Variants in ESR1 observed in about 807,000 individuals in gnomAD.
ESR1 encodes estrogen receptor 1.
ESR1 carries 12 observed loss-of-function variants against 52.7 expected under a neutral mutation model. The ratio of observed to expected loss-of-function variants is 0.23; its 90% CI spans 0.15 to 0.37. The LOEUF (loss-of-function observed/expected upper bound fraction) is 0.37. Among genes scored for constraint, ESR1 ranks in the 10% least tolerant of loss-of-function variants. The pLI, the probability that ESR1 is intolerant of heterozygous loss-of-function variation, is 1.00. For synonymous variants in ESR1, 305 were observed against 316.8 expected (o/e 0.96, Z 0.39); for missense variants, 584 against 779.7 (o/e 0.75, Z 2.99).
rs1277165074 is a variant in ESR1 at position 151,794,678 on chromosome 6, A to G, written c.-70-13165A>G. Among the ~76,000 whole-genome samples, 3 of 152,156 alleles carry G rather than the reference A, an allele frequency of 2.0e-5. No individual in the cohort carries two copies. The East Asian group carries it at 5.8e-4, about 29-fold the overall frequency. ...GTCTGAAAATGTTGCAAATAGTCAAAACTGGCATTGCAACAATTCATTTCC... is the reference window on the plus strand; with the variant it reads ...GTCTGAAAATGTTGCAAATAGTCAAGACTGGCATTGCAACAATTCATTTCC... On this transcript the variant is annotated intron_variant, in intron 2 of 2. Transcript: ENST00000404742.
intron 4 of ESR1, among the ~76,000 whole-genome samples, chr6:151,987,013 A>G (rs1361911910): frequency 1.3e-5 from 2 of 152,026 alleles, no homozygotes; most frequent in Admixed American, 6.6e-5. Flanking sequence ...CAGCTGCCCC[A>G]CCAATCTCCT....
At chr6:151,785,254 G>A (rs1196404119) in intron 2 of ESR1, among the ~76,000 whole-genome samples, 4 of 152,174 alleles carry the variant, frequency 2.6e-5, no homozygotes, top group Non-Finnish European at 5.9e-5. Context: ...GCCTGGAGAC[G>A]GGGAGTGGGA....
chr6:151,760,866 A>G (rs1164208311), intron 2 of ESR1, among the ~76,000 whole-genome samples: 1 of 152,214 alleles, frequency 6.6e-6, no homozygotes, highest in Non-Finnish European at 1.5e-5. Context: ...AAAATAATGG[A>G]TCGATTAAAG....
intron 2 of ESR1, among the ~76,000 whole-genome samples, chr6:151,756,947 G>A (rs552784627): frequency 6.6e-6 from 1 of 152,228 alleles, no homozygotes; most frequent in African/African-American, 2.4e-5. Context: ...CCGGCATTGA[G>A]CCACTGCACT....
intron 4 of ESR1, among the ~76,000 whole-genome samples, chr6:151,950,576 T>C (rs1162846736): frequency 6.6e-6 from 1 of 152,136 alleles, no homozygotes; most frequent in East Asian, 1.9e-4. Context: ...GGCATTCTAA[T>C]GAAAGGGGAA....
chr6:151,968,335 C>T (rs1001691078), intron 4 of ESR1, among the ~76,000 whole-genome samples: 2 of 152,122 alleles, frequency 1.3e-5, no homozygotes, highest in Non-Finnish European at 2.9e-5. Flanking sequence ...AAAACCTAGG[C>T]AGTACAATTC....
intron 2 of ESR1, among the ~76,000 whole-genome samples, chr6:151,791,541 C>T (rs1776158546): frequency 6.6e-6 from 1 of 152,156 alleles, no homozygotes; most frequent in African/African-American, 2.4e-5. Context: ...TGGACTAATA[C>T]ATGAGCCACA....
In ESR1 at chr6:152,036,221, G is replaced by C. The variant is rs183118805; in HGVS notation, c.1235+24427G>C. ...CTAAAAATATAAAAATTAGCTGGGC[G>C]TGGTGGCGGGTGCCTGTAGTCCCAG... On this transcript the variant is annotated intron_variant, in intron 5 of 7. Coordinates refer to ENST00000206249, the MANE Select transcript of ESR1 (RefSeq NM_000125.4). Among the ~76,000 whole-genome samples, 69 of 152,234 alleles carry C rather than the reference G, an allele frequency of 4.5e-4. 2 individuals carry two copies. The South Asian group carries it at 0.014, about 31-fold the overall frequency.
intron 6 of ESR1, among the ~76,000 whole-genome samples, chr6:152,111,418 C>T (rs1362360763): frequency 6.6e-6 from 1 of 152,218 alleles, no homozygotes; most frequent in African/African-American, 2.4e-5. Flanking sequence ...GCAGGACAGA[C>T]AGCCCTCCGA....
At chr6:152,018,771 T>A (rs568628762) in intron 5 of ESR1, among the ~76,000 whole-genome samples, 45 of 152,162 alleles carry the variant, frequency 3.0e-4, no homozygotes, top group African/African-American at 9.9e-4. Flanking sequence ...TTGTCTCCAT[T>A]CATACCTCAA....
At chr6:151,850,105 T>TATTATTTTATATGC (rs1562474855) in intron 2 of ESR1, among the ~76,000 whole-genome samples, 3 of 43,752 alleles carry the variant, frequency 6.9e-5, no homozygotes, top group African/African-American at 3.4e-4. Flanking sequence ...TTTATATATA[T>TATTATTTTATATGC]ATACAAAATT....
At chr6:151,906,892 C>T (rs1797542089) in intron 3 of ESR1, among the ~76,000 whole-genome samples, 2 of 150,870 alleles carry the variant, frequency 1.3e-5, no homozygotes, top group South Asian at 4.2e-4. Flanking sequence ...CTTTTTTTCA[C>T]ATTTTGTTAC....
At chr6:151,881,961 G>T (rs1257239060) in intron 3 of ESR1, among the ~76,000 whole-genome samples, 1 of 151,932 alleles carries the variant, frequency 6.6e-6, no homozygotes, top group Non-Finnish European at 1.5e-5. Context: ...GTTTCAGAAG[G>T]ATACTGAAGG....
chr6:152,011,247 C>G (rs1301534666), intron 4 of ESR1, among the ~76,000 whole-genome samples: 1 of 152,078 alleles, frequency 6.6e-6, no homozygotes, highest in Non-Finnish European at 1.5e-5. Context: ...TGCCCCAATT[C>G]CTATTGGGCA....
At chr6:151,889,743 A>G (rs1794423360) in intron 3 of ESR1, among the ~76,000 whole-genome samples, 1 of 152,000 alleles carries the variant, frequency 6.6e-6, no homozygotes, top group Non-Finnish European at 1.5e-5. Context: ...GTGGTATAAC[A>G]TTAGATTGTT....
rs748276035 is a variant in ESR1 at position 151,736,375 on chromosome 6, G to GTTCTTTTTTTTTTTTTTTTTTT, written c.-71+34372_-71+34373insCTTTTTTTTTTTTTTTTTTTTT. ...AAATACTTACTGTATTCCAGGTAGTGTTTTTTTTTTTTTTTGAGATGGAGT... is the reference window on the plus strand; with the variant it reads ...AAATACTTACTGTATTCCAGGTAGTGTTCTTTTTTTTTTTTTTTTTTTTTTTTTTTTTTTTTTGAGATGGAGT... On this transcript the variant is annotated intron_variant, in intron 2 of 2. Coordinates refer to the ESR1 transcript ENST00000404742. Among the ~76,000 whole-genome samples, 4 of 112,714 alleles carry GTTCTTTTTTTTTTTTTTTTTTT rather than the reference G, an allele frequency of 3.5e-5. 1 individual carries two copies. Among genetic ancestry groups the GTTCTTTTTTTTTTTTTTTTTTT allele is most frequent in the African/African-American group, 1.5e-4 (4 of 26,174 alleles). 73.9% of individuals were successfully genotyped at this position (112,714 alleles called of 152,430 possible).
At chr6:151,802,670 A>G (rs1283939711), upstream of ESR1, among the ~76,000 whole-genome samples, 2 of 152,222 alleles carry the variant, frequency 1.3e-5, no homozygotes, top group African/African-American at 4.8e-5. Context: ...TGGCATGAAG[A>G]TACAAAGATA....
At position 151,942,973 on chromosome 6, in the gene ESR1, C is replaced by A. The variant is rs75932128; in HGVS notation, c.761-1200C>A. Among the ~76,000 whole-genome samples, 14 of 152,212 alleles carry A rather than the reference C, an allele frequency of 9.2e-5. No individual in the cohort carries two copies. In the East Asian group the frequency reaches 2.7e-3, roughly 29 times the overall value. On this transcript the variant is annotated intron_variant, in intron 3 of 7. Coordinates refer to ENST00000206249, the MANE Select transcript of ESR1 (RefSeq NM_000125.4). ...AATACATTTCAGCAGTACAGTATGGCCTTTTTCAGGTTAAGGTGCTGAGCC... is the reference window on the plus strand; with the variant it reads ...AATACATTTCAGCAGTACAGTATGGACTTTTTCAGGTTAAGGTGCTGAGCC...
chr6:151,761,634 T>G (rs897455497), intron 2 of ESR1, among the ~76,000 whole-genome samples: 1 of 152,244 alleles, frequency 6.6e-6, no homozygotes, highest in Non-Finnish European at 1.5e-5. Flanking sequence ...AATTAGTTGA[T>G]GCAAAACAGT....
Sources: allele counts gnomAD v4.1 joint callset (sites outside exome capture counted in the v4.1 genomes callset), GRCh38; gene constraint gnomAD v4.1.1; transcripts MANE v1.5; gene names NCBI Gene and HGNC (gene_info 2026-07-23, HGNC 2026-07-21).